ATXN7L1: variants seen among roughly 807,000 people sequenced by gnomAD.
ATXN7L1 encodes ataxin-7-like protein 1.
ATXN7L1 carries 15 observed loss-of-function variants against 70.8 expected under a neutral mutation model. That is an observed-to-expected ratio of 0.21 (90% confidence interval 0.14 to 0.33). The LOEUF is 0.33. Ranked by LOEUF, ATXN7L1 falls within the 10% of genes least tolerant of loss-of-function variation. ATXN7L1 has a pLI of 1.00. For missense variants in ATXN7L1, 975 were observed against 1,097.1 expected (o/e 0.89, Z 1.57); for synonymous variants, 440 against 445.1 (o/e 0.99, Z 0.14).
intron 7 of ATXN7L1, among the ~76,000 whole-genome samples, chr7:105,632,313 G>A (rs1796708584): frequency 1.3e-5 from 2 of 151,982 alleles, no homozygotes; most frequent in African/African-American, 4.8e-5. Context: ...AGTATCTTGT[G>A]GTAAACAACC....
chr7:105,657,675 C>G (rs903608658), intron 4 of ATXN7L1, among the ~76,000 whole-genome samples: 2 of 128,798 alleles, frequency 1.6e-5, no homozygotes, highest in African/African-American at 6.3e-5. Context: ...CCAGCCGCAG[C>G]CTGGGTGACA....
rs200703369 is a variant in ATXN7L1 at position 105,648,043 on chromosome 7, TG to T, written c.579-4923del. Among the ~76,000 whole-genome samples the T allele has an allele frequency of 1.0e-3, 158 of 152,156 alleles. 7 individuals carry two copies. In the East Asian group the frequency reaches 0.029, roughly 28 times the overall value. ...CTCTGGATTGAAGAATGGGAAGCAT[TG>T]GGGAAAAAAGTCTGATCAAGAATGT... On this transcript the variant is annotated intron_variant, in intron 4 of 11. Coordinates refer to ENST00000419735, the MANE Select transcript of ATXN7L1 (RefSeq NM_020725.2).
In ATXN7L1 at chr7:105,692,773, T is replaced by A. The variant is rs988451281; in HGVS notation, c.356-27485A>T. Among the ~76,000 whole-genome samples, 10 of 152,140 alleles carry A rather than the reference T, an allele frequency of 6.6e-5. No homozygotes were observed. The South Asian group carries it at 2.1e-3, about 32-fold the overall frequency. On this transcript the variant is annotated intron_variant, in intron 3 of 11. Coordinates refer to ENST00000419735, the MANE Select transcript of ATXN7L1 (RefSeq NM_020725.2). The stretch of plus-strand genomic sequence containing the variant: ...TTTCTTTTTTAGAGACCTTTTGCTC[T>A]GCCACCCAGGCTGAAGTGCAGTGGT...
At chr7:105,846,105 A>C (rs1813991890) in intron 2 of ATXN7L1, among the ~76,000 whole-genome samples, 1 of 152,224 alleles carries the variant, frequency 6.6e-6, no homozygotes, top group Admixed American at 6.5e-5. Flanking sequence ...GAAAGCAAAA[A>C]AGACAACCCA....
chr7:105,670,124 C>G (rs1264937837), intron 3 of ATXN7L1, among the ~76,000 whole-genome samples: 2 of 152,090 alleles, frequency 1.3e-5, no homozygotes. Context: ...TGGACTTACA[C>G]AGTTTTGCGT....
At chr7:105,760,477 C>T (rs1665466861) in intron 3 of ATXN7L1, 3 of 985,788 alleles carry the variant, frequency 3.0e-6, no homozygotes, top group Non-Finnish European at 3.6e-6. Flanking sequence ...ATGGTACTCT[C>T]CTATATACTG....
Position 105,668,941 on chromosome 7 carries a change from G to A in ATXN7L1, c.356-3653C>T, listed in dbSNP as rs376436926. ...TATATTTTTTTTTTGCAGAGACAAA[G>A]TCTCTCTATGTTCCCAGGCTGGTCT... is the stretch of plus-strand genomic sequence containing the variant. On this transcript the variant is annotated intron_variant, in intron 3 of 11. Transcript: ENST00000419735. 8.1e-4 allele frequency among the ~76,000 whole-genome samples: 123 copies of A among 151,964 alleles called. 2 individuals carry two copies. The South Asian group carries it at 0.022, about 28-fold the overall frequency.
chr7:105,811,960 T>C (rs1036268190), intron 2 of ATXN7L1, among the ~76,000 whole-genome samples: 6 of 152,134 alleles, frequency 3.9e-5, no homozygotes, highest in African/African-American at 1.4e-4. Flanking sequence ...CCCCCATACC[T>C]TGTCTTCAGA....
rs1797699051 is a variant in ATXN7L1, at chr7:105,638,450, C to A, written c.1105G>T (p.Ala369Ser). 1 of 1,552,264 alleles carries A rather than the reference C, an allele frequency of 6.4e-7. No individual in the cohort carries two copies. Among genetic ancestry groups the A allele is most frequent in the African/African-American group, 1.4e-5 (1 of 73,034 alleles). Residue 369 changes from alanine to serine, a missense_variant, in exon 7 of 12, where the codon GCA becomes TCA. Around this residue, in one of 5 missense-constraint regions of ATXN7L1, gnomAD observed 635 missense variants for 699.4 expected, o/e 0.91. Coordinates refer to ENST00000419735, the MANE Select transcript of ATXN7L1 (RefSeq NM_020725.2). Reference protein sequence around the residue: ...REILPSQSGPAQDSLLGSSGS... With the variant: ...REILPSQSGPSQDSLLGSSGS... ...GAAGACCCTAGCAGAGAATCCTGTG[C>A]CGGCCCGGATTGGCTTGGAAGTATT...
At chr7:105,617,688 C>T (rs1794114195) in intron 9 of ATXN7L1, 2 of 342,074 alleles carry the variant, frequency 5.8e-6, no homozygotes, top group South Asian at 2.3e-5. Context: ...TTAAGCTTTG[C>T]ACACTGGCCC....
chr7:105,733,485 TC>T (rs1796806107), intron 3 of ATXN7L1, among the ~76,000 whole-genome samples: 1 of 149,712 alleles, frequency 6.7e-6, no homozygotes, highest in Non-Finnish European at 1.5e-5. Flanking sequence ...AGGAGGTCCA[TC>T]CATCCACCCA....
intron 2 of ATXN7L1, among the ~76,000 whole-genome samples, chr7:105,849,579 G>A (rs1460518932): frequency 6.6e-6 from 1 of 152,248 alleles, no homozygotes; most frequent in East Asian, 1.9e-4. Flanking sequence ...CCCTCTTGGA[G>A]GTGTAGCCAT....
intron 3 of ATXN7L1, among the ~76,000 whole-genome samples, chr7:105,728,552 T>C (rs1474536834): frequency 1.3e-5 from 2 of 152,180 alleles, no homozygotes; most frequent in Non-Finnish European, 1.5e-5. Flanking sequence ...TTTATAGCTA[T>C]AAATACACAG....
At chr7:105,775,671 T>C (rs1802628280) in intron 3 of ATXN7L1, among the ~76,000 whole-genome samples, 1 of 152,214 alleles carries the variant, frequency 6.6e-6, no homozygotes, top group Non-Finnish European at 1.5e-5. Context: ...CAGTGGGCCC[T>C]TCCCATGGCC....
intron 2 of ATXN7L1, among the ~76,000 whole-genome samples, chr7:105,810,932 G>A (rs1040400995): frequency 6.6e-6 from 1 of 152,218 alleles, no homozygotes; most frequent in East Asian, 1.9e-4. Context: ...TGGACTAGAT[G>A]TGGATGGGAG....
rs563018537 is a variant in ATXN7L1, at chr7:105,734,598, T to C, written c.355+54006A>G. ...CCTCCAGCTGAGGCTCTGTTGGCTA[T>C]TGTGTGCTGTTCTGAAGTTTTAGCA... On this transcript the variant is annotated intron_variant, in intron 3 of 11. Coordinates refer to ENST00000419735, the MANE Select transcript of ATXN7L1 (RefSeq NM_020725.2). Among the ~76,000 whole-genome samples, 32 of 152,242 alleles carry C rather than the reference T, an allele frequency of 2.1e-4. 1 individual carries two copies. In the South Asian group the frequency reaches 6.4e-3, roughly 31 times the overall value.
intron 3 of ATXN7L1, among the ~76,000 whole-genome samples, chr7:105,740,768 C>A (rs865774763): frequency 2.0e-5 from 2 of 98,304 alleles, no homozygotes; most frequent in African/African-American, 5.5e-5. Context: ...TGGCTCCATT[C>A]ATTTTTTTTT....
intron 2 of ATXN7L1, among the ~76,000 whole-genome samples, chr7:105,831,357 T>C (rs1307880181): frequency 6.6e-6 from 1 of 152,248 alleles, no homozygotes; most frequent in Non-Finnish European, 1.5e-5. Context: ...CCCTGGGAGA[T>C]TTAAAATGCC....
intron 3 of ATXN7L1, among the ~76,000 whole-genome samples, chr7:105,753,465 A>G (rs1799439375): frequency 6.6e-6 from 1 of 152,202 alleles, no homozygotes; most frequent in Non-Finnish European, 1.5e-5. Context: ...AAGATTATCT[A>G]GTTTATAGAT....
Sources: gnomAD v4.1 joint callset for allele counts (sites outside exome capture counted in the v4.1 genomes callset) on GRCh38, gnomAD v4.1.1 for gene constraint, gnomAD v4.1.1 regional missense constraint, MANE v1.5 for transcripts, NCBI Gene and HGNC (gene_info 2026-07-23, HGNC 2026-07-21) for gene names.